The following PRELID2 variants were observed in gnomAD, a reference collection of about 807,000 sequenced individuals.
PRELID2 encodes the protein PRELI domain containing 2.
In PRELID2, 25 loss-of-function variants were observed where a neutral mutation model predicts 28.4. The ratio of observed to expected loss-of-function variants is 0.88; its 90% CI spans 0.64 to 1.23. The LOEUF is 1.23. Ranked by LOEUF, PRELID2 falls within the 50% of genes most tolerant of loss-of-function variation. The probability of loss-of-function intolerance (pLI) is 0.00; values close to 1 mark genes in which losing one functional copy is unlikely to be tolerated. For synonymous variants in PRELID2, 76 were observed against 71.6 expected, an observed-to-expected ratio of 1.06 and a Z score of -0.31; for missense variants, 201 against 214.4, an observed-to-expected ratio of 0.94 and a Z score of 0.39.
chr5:145,383,906 G>A, the PRELID2 span, among the ~76,000 whole-genome samples: 24 of 151,846 alleles, frequency 1.6e-4, no homozygotes, highest in African/African-American at 5.8e-4. Context: ...ATGTGTGTGT[G>A]TATATATGTA....
the PRELID2 span, among the ~76,000 whole-genome samples, chr5:145,249,485 T>A: frequency 2.0e-5 from 3 of 152,106 alleles, no homozygotes; most frequent in African/African-American, 7.2e-5. Flanking sequence ...TATTTTCCCC[T>A]TTTACCAATG....
In PRELID2 at chr5:145,731,554, G is replaced by A. The variant is rs557548815; in HGVS notation, n.70+33377C>T. ...ACATTAAATCATTCTTAGCCTTACT[G>A]TTTTCGTTAGTAAAATGAGGCTAAT... On this transcript the variant is annotated intron_variant and non_coding_transcript_variant, in intron 1 of 2. Coordinates refer to the PRELID2 transcript ENST00000510259. Among the ~76,000 whole-genome samples the A allele has an allele frequency of 5.9e-5, 9 of 152,276 alleles. No individual in the cohort carries two copies. The South Asian group carries it at 1.9e-3, about 32-fold the overall frequency.
At chr5:145,274,921 G>T in the PRELID2 span, among the ~76,000 whole-genome samples, 2 of 152,124 alleles carry the variant, frequency 1.3e-5, no homozygotes, top group Non-Finnish European at 2.9e-5. Flanking sequence ...CAAGGTGTCA[G>T]CAAGTTTGAT....
At chr5:145,284,914 T>C in the PRELID2 span, among the ~76,000 whole-genome samples, 2 of 151,486 alleles carry the variant, frequency 1.3e-5, no homozygotes, top group Non-Finnish European at 2.9e-5. Flanking sequence ...TCAATATAAT[T>C]ATTATTAATA....
chr5:145,390,732 C>A, the PRELID2 span, among the ~76,000 whole-genome samples: 1 of 152,176 alleles, frequency 6.6e-6, no homozygotes, highest in Non-Finnish European at 1.5e-5. Context: ...CCAGCATTAA[C>A]CGAGAAGTCC....
intron 1 of PRELID2, among the ~76,000 whole-genome samples, chr5:145,725,066 T>G (rs1003158360): frequency 3.3e-5 from 5 of 152,094 alleles, no homozygotes; most frequent in African/African-American, 1.2e-4. Flanking sequence ...TAAATGTGGA[T>G]CTCTGTTTGA....
the PRELID2 span, among the ~76,000 whole-genome samples, chr5:145,366,380 C>A: frequency 2.0e-5 from 3 of 151,792 alleles, no homozygotes; most frequent in African/African-American, 7.2e-5. Flanking sequence ...CACTTGGAAA[C>A]ATTTGAATGA....
intron 1 of PRELID2, among the ~76,000 whole-genome samples, chr5:145,569,360 C>T (rs148584007): frequency 3.0e-4 from 46 of 152,244 alleles, no homozygotes; most frequent in African/African-American, 1.1e-3. Flanking sequence ...CTGGGTGGAT[C>T]CAGCCCTTAA....
intron 1 of PRELID2, among the ~76,000 whole-genome samples, chr5:145,699,184 G>T (rs749172769): frequency 6.6e-6 from 1 of 152,144 alleles, no homozygotes; most frequent in East Asian, 1.9e-4. Flanking sequence ...TTGGAAGACT[G>T]GGAATGCTTC....
At chr5:145,444,158 A>T in the PRELID2 span, among the ~76,000 whole-genome samples, 1 of 152,012 alleles carries the variant, frequency 6.6e-6, no homozygotes, top group Non-Finnish European at 1.5e-5. Context: ...GACATTTCAG[A>T]TGGCAACAAA....
intron 5 of PRELID2, among the ~76,000 whole-genome samples, chr5:145,774,629 G>A (rs947380541): frequency 3.9e-5 from 6 of 152,136 alleles, no homozygotes; most frequent in Non-Finnish European, 8.8e-5. Context: ...ATACCAGCAG[G>A]GGCTCACCTC....
chr5:145,300,925 A>G, the PRELID2 span, among the ~76,000 whole-genome samples: 1 of 152,028 alleles, frequency 6.6e-6, no homozygotes, highest in Non-Finnish European at 1.5e-5. Flanking sequence ...AACAAAGCAT[A>G]TTCAGAGAAG....
intron 1 of PRELID2, among the ~76,000 whole-genome samples, chr5:145,600,434 A>AAAAATATATATATATATATATAT (rs1315631607): frequency 1.7e-5 from 2 of 120,116 alleles, no homozygotes; most frequent in African/African-American, 8.2e-5. Context: ...AAAAAAAAAA[A>AAAAATATATATATATATATATAT]ATATATATAT....
intron 1 of PRELID2, among the ~76,000 whole-genome samples, chr5:145,646,647 C>G (rs776374032): frequency 5.9e-5 from 9 of 152,200 alleles, no homozygotes; most frequent in Non-Finnish European, 1.2e-4. Context: ...CCTTTTTGCA[C>G]TAGTTTCTCC....
chr5:145,555,114 G>C (rs1258726284), intron 1 of PRELID2, among the ~76,000 whole-genome samples: 1 of 152,144 alleles, frequency 6.6e-6, no homozygotes, highest in East Asian at 1.9e-4. Context: ...GATCCAGAAG[G>C]AGCTCAGTGT....
chr5:145,256,204 C>A, the PRELID2 span, among the ~76,000 whole-genome samples: 3 of 151,908 alleles, frequency 2.0e-5, no homozygotes, highest in African/African-American at 7.3e-5. Context: ...GACTTATTTC[C>A]TCCTTCCATC....
At chr5:145,630,618 A>G (rs1411960051) in intron 1 of PRELID2, among the ~76,000 whole-genome samples, 1 of 152,194 alleles carries the variant, frequency 6.6e-6, no homozygotes, top group African/African-American at 2.4e-5. Flanking sequence ...GAAAAGCCAG[A>G]GTCCAAATAA....
chr5:145,276,919 G>A, the PRELID2 span, among the ~76,000 whole-genome samples: 1 of 152,132 alleles, frequency 6.6e-6, no homozygotes, highest in Non-Finnish European at 1.5e-5. Context: ...GAGAGCTGAG[G>A]TTGATGGATG....
At chr5:145,382,834 T>C in the PRELID2 span, among the ~76,000 whole-genome samples, 1 of 151,828 alleles carries the variant, frequency 6.6e-6, no homozygotes, top group Admixed American at 6.6e-5. Context: ...TGTAACAAAC[T>C]TGTACATGTA....
Sources: allele counts gnomAD v4.1 joint callset (sites outside exome capture counted in the v4.1 genomes callset), GRCh38; gene constraint gnomAD v4.1.1; transcripts MANE v1.5; gene names NCBI Gene and HGNC (gene_info 2026-07-23, HGNC 2026-07-21).